The following CHMP2B variants were observed in gnomAD, a reference collection of about 807,000 sequenced individuals.
The protein encoded by CHMP2B is VPS2 homolog B.
Under a neutral mutation model 29.8 loss-of-function variants are expected in CHMP2B, and 22 were observed. The observed-to-expected ratio is 0.74, with a 90% CI of 0.53 to 1.05. The LOEUF (loss-of-function observed/expected upper bound fraction) is 1.05. Ranked by LOEUF, CHMP2B falls within the 50% of genes least tolerant of loss-of-function variation. The pLI is 0.00. For missense variants in CHMP2B, 261 were observed against 252.2 expected, an observed-to-expected ratio of 1.03 and a Z score of -0.24; for synonymous variants, 78 against 75.8, an observed-to-expected ratio of 1.03 and a Z score of -0.15.
chr3:87,248,262 C>T (rs1559609878), intron 3 of CHMP2B, among the ~76,000 whole-genome samples: 1 of 151,664 alleles, frequency 6.6e-6, no homozygotes, highest in Non-Finnish European at 1.5e-5. Context: ...CACGCCACTG[C>T]ACTCCAGCCT....
intron 2 of CHMP2B, among the ~76,000 whole-genome samples, chr3:87,244,520 A>G (rs1706178746): frequency 6.7e-6 from 1 of 150,106 alleles, no homozygotes; most frequent in African/African-American, 2.4e-5. Flanking sequence ...ACAAATTTTT[A>G]TGTTGCATTT....
intron 1 of CHMP2B, chr3:87,240,466 A>G (rs997364877): frequency 6.4e-5 from 25 of 390,500 alleles, no homozygotes; most frequent in Non-Finnish European, 1.1e-4. Flanking sequence ...ATGTGCCACC[A>G]CACCCGGCTA....
chr3:87,243,838 C>A (rs886974388), intron 2 of CHMP2B, among the ~76,000 whole-genome samples: 4 of 151,646 alleles, frequency 2.6e-5, no homozygotes, highest in African/African-American at 9.7e-5. Flanking sequence ...CCCTTCTTTG[C>A]ATTCTCGGTA....
intron 4 of CHMP2B, among the ~76,000 whole-genome samples, chr3:87,252,485 GGCCATTCCATTTATGTA>G (rs2106915839): frequency 6.6e-6 from 1 of 151,692 alleles, no homozygotes; most frequent in Admixed American, 6.6e-5. Context: ...ACTTTGCCCA[GGCCATTCCATTTATGTA>G]TCTCTGTGTG....
At position 87,254,554 on chromosome 3, in the gene CHMP2B, T is replaced by G. The variant is rs1358571027; in HGVS notation, c.*732T>G. The G allele has an allele frequency of 1.3e-5, 2 of 152,158 alleles. No individual in the cohort carries two copies. The highest frequency in any genetic ancestry group is 2.9e-5 in the Non-Finnish European group (2 of 67,890). 9.4% of individuals were successfully genotyped at this position (152,158 alleles called of 1,614,324 possible). ...CTCTTTTCTATCTCTGTGGGCCTAA[T>G]TGAAATATGTACTCTTATTTTAGAC... On this transcript the variant is annotated 3_prime_UTR_variant, in exon 6 of 6. Transcript: ENST00000263780.
intron 3 of CHMP2B, among the ~76,000 whole-genome samples, chr3:87,247,675 T>C (rs1296414025): frequency 6.6e-6 from 1 of 152,174 alleles, no homozygotes; most frequent in Non-Finnish European, 1.5e-5. Flanking sequence ...GTAGGTAAAT[T>C]CTCAGATATG....
intron 4 of CHMP2B, 39 bp downstream of exon 4, chr3:87,250,016 C>A: frequency 1.6e-6 from 2 of 1,260,474 alleles, no homozygotes; most frequent in South Asian, 1.3e-5. Context: ...ATAGTTTTCT[C>A]ATCTTTGAAT....
chr3:87,253,991 A>G lies in CHMP2B; in HGVS notation c.*169A>G. The G allele has an allele frequency of 1.8e-6, 1 of 560,708 alleles. No individual in the cohort carries two copies. Among genetic ancestry groups the G allele is most frequent in the East Asian group, 3.1e-5 (1 of 31,884 alleles). 34.7% of individuals were successfully genotyped at this position (560,708 alleles called of 1,614,324 possible). A position where few individuals can be genotyped will look rare whatever the true frequency, so the allele number is the denominator to read the frequency against. On this transcript the variant is annotated 3_prime_UTR_variant, in exon 6 of 6. Transcript: ENST00000263780. Reference sequence around the variant, plus strand: ...GCTATTTAGAATCTTTTGCCAAAGAATGACAATGATGCAAAAATGGGAACA... The same window carrying G: ...GCTATTTAGAATCTTTTGCCAAAGAGTGACAATGATGCAAAAATGGGAACA...
chr3:87,239,191 G>A (rs967823259), intron 1 of CHMP2B, among the ~76,000 whole-genome samples: 11 of 151,890 alleles, frequency 7.2e-5, no homozygotes, highest in African/African-American at 2.4e-4. Flanking sequence ...CAGATATATT[G>A]TTTGCATATA....
intron 1 of CHMP2B, among the ~76,000 whole-genome samples, chr3:87,239,287 CT>C (rs148167429): frequency 0.23 from 35,413 of 151,696 alleles, 5,181 homozygotes; most frequent in South Asian, 0.36. Context: ...TCCAATTTAT[CT>C]TTTTTTTCTT....
At chr3:87,229,301 TG>T (rs1182178929) in intron 1 of CHMP2B, among the ~76,000 whole-genome samples, 1 of 152,168 alleles carries the variant, frequency 6.6e-6, no homozygotes, top group African/African-American at 2.4e-5. Flanking sequence ...CAAGAAATAA[TG>T]TTTTTGCTGA....
At chr3:87,234,339 A>T (rs1402086250) in intron 1 of CHMP2B, among the ~76,000 whole-genome samples, 2 of 151,926 alleles carry the variant, frequency 1.3e-5, no homozygotes, top group Admixed American at 6.6e-5. Flanking sequence ...AACCATATTG[A>T]CTCAGAACCA....
At chr3:87,238,843 G>A (rs752934679) in intron 1 of CHMP2B, among the ~76,000 whole-genome samples, 4 of 152,102 alleles carry the variant, frequency 2.6e-5, no homozygotes, top group Non-Finnish European at 4.4e-5. Flanking sequence ...GTAATTTGAT[G>A]TTTCACTTTT....
At position 87,240,802 on chromosome 3, in the gene CHMP2B, GTTAAATT is replaced by G; in HGVS notation, c.126+14_126+20del. The G allele has an allele frequency of 6.3e-7, 1 of 1,599,526 alleles. No homozygotes were observed. Among genetic ancestry groups the G allele is most frequent in the Non-Finnish European group, 8.6e-7 (1 of 1,166,944 alleles). On this transcript the variant is annotated intron_variant, in intron 2 of 5. Coordinates refer to ENST00000263780, the MANE Select transcript of CHMP2B (RefSeq NM_014043.4). ...AAGAAAAACAGCTGGTAAGTAGAAC[GTTAAATT>G]TCAGTTTAACTTTTCAAACAAATTT...
chr3:87,250,229 A>AT (rs1478125831), intron 4 of CHMP2B, among the ~76,000 whole-genome samples: 12 of 151,992 alleles, frequency 7.9e-5, no homozygotes, highest in African/African-American at 2.2e-4. Context: ...TACATAATTC[A>AT]TGATATAAGT....
At position 87,253,815 on chromosome 3, in the gene CHMP2B, T is replaced by C. The variant is rs1345920572; in HGVS notation, c.635T>C (p.Val212Ala). 1 of 1,608,718 alleles carries C rather than the reference T, an allele frequency of 6.2e-7. No individual in the cohort carries two copies. Among genetic ancestry groups the C allele is most frequent in the Non-Finnish European group, 8.5e-7 (1 of 1,175,876 alleles). The change falls in exon 6 of 6, where the codon GTA (valine) becomes GCA (alanine). Residue 212 changes from valine (V) to alanine (A), a missense_variant. Val to Ala is a moderately conservative substitution (Grantham distance 64). Transcript: ENST00000263780. ...EIERQLKALG[V>A]D is the part of the protein sequence containing the mutation. Reference sequence around the variant, plus strand: ...GAACGGCAACTCAAGGCTTTAGGAGTAGATTAGTCAAAAGAAGTCATACTA... The same window carrying C: ...GAACGGCAACTCAAGGCTTTAGGAGCAGATTAGTCAAAAGAAGTCATACTA...
intron 1 of CHMP2B, among the ~76,000 whole-genome samples, chr3:87,239,694 T>TA (rs959497358): frequency 1.7e-4 from 26 of 152,250 alleles, no homozygotes; most frequent in African/African-American, 5.1e-4. Context: ...TTTTCTTAAT[T>TA]AAAAAATACT....
At chr3:87,244,387 A>G (rs1242800267) in intron 2 of CHMP2B, among the ~76,000 whole-genome samples, 1 of 149,708 alleles carries the variant, frequency 6.7e-6, no homozygotes, top group Non-Finnish European at 1.5e-5. Context: ...TTATTTCCCT[A>G]CTTTGTGTTT....
At position 87,232,328 on chromosome 3, in the gene CHMP2B, A is replaced by G. The variant is rs72924003; in HGVS notation, c.34+4772A>G. On this transcript the variant is annotated intron_variant, in intron 1 of 5. Coordinates refer to ENST00000263780, the MANE Select transcript of CHMP2B (RefSeq NM_014043.4). Reference sequence around the variant, plus strand: ...ATTTCTGATGTTAAAAGGAAATAAAACGGAATACCCTTCAGAAACATTTTT... The same window carrying G: ...ATTTCTGATGTTAAAAGGAAATAAAGCGGAATACCCTTCAGAAACATTTTT... Among the ~76,000 whole-genome samples, 390 of 152,290 alleles carry G rather than the reference A, an allele frequency of 2.6e-3. 2 individuals carry two copies. The highest frequency in any genetic ancestry group is 9.0e-3 in the African/African-American group (374 of 41,562).
Sources: allele counts gnomAD v4.1 joint callset (sites outside exome capture counted in the v4.1 genomes callset), GRCh38; gene constraint gnomAD v4.1.1; transcripts MANE v1.5; gene names NCBI Gene and HGNC (gene_info 2026-07-23, HGNC 2026-07-21).